TMEM132B: variants seen among roughly 807,000 people sequenced by gnomAD.
TMEM132B encodes the protein transmembrane protein 132B.
A neutral mutation model predicts 90.8 loss-of-function variants in TMEM132B; 18 were observed. The ratio of observed to expected loss-of-function variants is 0.20; its 90% CI spans 0.14 to 0.29. The LOEUF (loss-of-function observed/expected upper bound fraction) is 0.29. Ranked by LOEUF, TMEM132B falls within the 10% of genes least tolerant of loss-of-function variation. The pLI is 1.00. For missense variants in TMEM132B, 1,096 were observed against 1,326.8 expected (o/e 0.83, Z 2.70); for synonymous variants, 504 against 523.3 (o/e 0.96, Z 0.50).
intron 3 of TMEM132B, among the ~76,000 whole-genome samples, chr12:125,423,910 T>A (rs1175122858): frequency 6.6e-6 from 1 of 152,234 alleles, no homozygotes; most frequent in African/African-American, 2.4e-5. Flanking sequence ...TTAACTATAA[T>A]GATTATTATC....
At chr12:125,397,917 A>G (rs953032597) in intron 2 of TMEM132B, among the ~76,000 whole-genome samples, 2 of 152,208 alleles carry the variant, frequency 1.3e-5, no homozygotes, top group African/African-American at 2.4e-5. Context: ...GACACAGAAT[A>G]CCCAGTGTTT....
intron 1 of TMEM132B, among the ~76,000 whole-genome samples, chr12:125,252,102 G>T (rs995672294): frequency 6.6e-6 from 1 of 152,212 alleles, no homozygotes; most frequent in African/African-American, 2.4e-5. Context: ...AACGTGATGG[G>T]ATTGCCACTG....
At chr12:125,499,373 C>T (rs111418738) in intron 3 of TMEM132B, among the ~76,000 whole-genome samples, 4,798 of 152,232 alleles carry the variant, frequency 0.032, 145 homozygotes, top group African/African-American at 0.079. Context: ...ATGAAATGCT[C>T]CTGATTATTG....
At chr12:125,323,975 C>T (rs983149904) in intron 1 of TMEM132B, among the ~76,000 whole-genome samples, 2 of 152,004 alleles carry the variant, frequency 1.3e-5, no homozygotes, top group Non-Finnish European at 2.9e-5. Flanking sequence ...AGAGCTCCGA[C>T]CAAAAAGTTG....
intron 3 of TMEM132B, among the ~76,000 whole-genome samples, chr12:125,452,809 C>A (rs902834030): frequency 1.3e-5 from 2 of 152,112 alleles, no homozygotes; most frequent in African/African-American, 4.8e-5. Context: ...CATTTGCCCA[C>A]TAGCTGATTT....
At chr12:125,610,136 G>T (rs1197200635) in intron 5 of TMEM132B, among the ~76,000 whole-genome samples, 4 of 151,720 alleles carry the variant, frequency 2.6e-5, no homozygotes, top group Non-Finnish European at 4.4e-5. Context: ...GTTATTAGTG[G>T]GTTCCATAGG....
intron 1 of TMEM132B, among the ~76,000 whole-genome samples, chr12:125,202,061 C>A (rs1167339924): frequency 6.6e-6 from 1 of 152,206 alleles, no homozygotes; most frequent in African/African-American, 2.4e-5. Flanking sequence ...TCCTCCCCCT[C>A]CCATGGGCCA....
At chr12:125,195,288 T>G (rs1023181705) in intron 1 of TMEM132B, among the ~76,000 whole-genome samples, 1 of 151,908 alleles carries the variant, frequency 6.6e-6, no homozygotes, top group African/African-American at 2.4e-5. Context: ...AGACGGATAC[T>G]GAACACAATA....
intron 1 of TMEM132B, among the ~76,000 whole-genome samples, chr12:125,327,848 A>G (rs952665502): frequency 2.0e-5 from 3 of 152,212 alleles, no homozygotes; most frequent in African/African-American, 7.2e-5. Flanking sequence ...CTCAGGATAT[A>G]TAAAGCAGGC....
At chr12:125,333,953 A>G (rs188964241) in intron 1 of TMEM132B, among the ~76,000 whole-genome samples, 4 of 152,266 alleles carry the variant, frequency 2.6e-5, no homozygotes, top group Non-Finnish European at 5.9e-5. Context: ...AGGGCTGGCT[A>G]CATAATTTGC....
intron 2 of TMEM132B, among the ~76,000 whole-genome samples, chr12:125,354,507 A>C (rs1877704172): frequency 6.6e-6 from 1 of 152,210 alleles, no homozygotes; most frequent in Non-Finnish European, 1.5e-5. Flanking sequence ...TTTCACTCAG[A>C]TATGTCACCC....
rs1879471031 is a variant in TMEM132B, at chr12:125,406,178, C to G, written c.960-9353C>G. ...GTAGACTGTGAGTACCTTTTACTGT[C>G]CAAACAGGAATCTTCTTTATCTCCT... On this transcript the variant is annotated intron_variant, in intron 2 of 8. Coordinates refer to ENST00000682704, the MANE Select transcript of TMEM132B (RefSeq NM_001366854.1). This position sits in a 1 kb window ranked among gnomAD's most constrained non-coding sequence, Gnocchi z 8.3. 6.6e-6 allele frequency among the ~76,000 whole-genome samples: 1 copy of G among 152,172 alleles called. No individual in the cohort carries two copies. Among genetic ancestry groups the G allele is most frequent in the Admixed American group, 6.5e-5 (1 of 15,280 alleles).
At chr12:125,215,612 G>C (rs1018727085) in intron 1 of TMEM132B, among the ~76,000 whole-genome samples, 1 of 152,126 alleles carries the variant, frequency 6.6e-6, no homozygotes, top group African/African-American at 2.4e-5. Flanking sequence ...CACAATCTCA[G>C]CTCACCACAA....
At chr12:125,511,232 A>G (rs1396127109) in intron 3 of TMEM132B, among the ~76,000 whole-genome samples, 4 of 152,158 alleles carry the variant, frequency 2.6e-5, no homozygotes, top group Non-Finnish European at 4.4e-5. Context: ...TTTCTCAGTA[A>G]TTCTTTTTAT....
chr12:125,459,008 C>G lies in TMEM132B; in HGVS notation c.1106+43331C>G, dbSNP rs923502703. On this transcript the variant is annotated intron_variant, in intron 3 of 8. Coordinates refer to ENST00000682704, the MANE Select transcript of TMEM132B (RefSeq NM_001366854.1). The surrounding 1 kb of genome is among the most constrained non-coding windows in gnomAD (Gnocchi z 4.1). Reference sequence around the variant, plus strand: ...GAGCTCAGATTCCCTGTGGTCCCCCCATGTGCAATTAGCATCTTCGGGTGA... The same window carrying G: ...GAGCTCAGATTCCCTGTGGTCCCCCGATGTGCAATTAGCATCTTCGGGTGA... 6.6e-6 allele frequency among the ~76,000 whole-genome samples: 1 copy of G among 152,202 alleles called. No individual in the cohort carries two copies. Among genetic ancestry groups the G allele is most frequent in the African/African-American group, 2.4e-5 (1 of 41,440 alleles).
intron 4 of TMEM132B, among the ~76,000 whole-genome samples, chr12:125,534,445 A>G (rs1173423744): frequency 6.6e-6 from 1 of 152,192 alleles, no homozygotes; most frequent in Non-Finnish European, 1.5e-5. Flanking sequence ...TGCACCCAGG[A>G]GGTCGAGGCT....
chr12:125,659,777 TA>T lies in TMEM132B; in HGVS notation c.*5069del, dbSNP rs1214121018. On this transcript the variant is annotated 3_prime_UTR_variant, in exon 9 of 9. Transcript: ENST00000682704. The stretch of plus-strand genomic sequence containing the variant: ...CCAGGCCCTTCAGACATCATTCAGG[TA>T]ACTGGGTGTAAACACAGGAGTTGGC... The T allele has an allele frequency of 2.2e-4, 34 of 152,360 alleles. No individual in the cohort carries two copies. Among genetic ancestry groups the T allele is most frequent in the African/African-American group, 8.2e-4 (34 of 41,584 alleles). 9.4% of individuals were successfully genotyped at this position (152,360 alleles called of 1,614,324 possible). A position where few individuals can be genotyped will look rare whatever the true frequency, so the allele number is the denominator to read the frequency against.
At chr12:125,478,168 G>T (rs1019152403) in intron 3 of TMEM132B, among the ~76,000 whole-genome samples, 1 of 152,208 alleles carries the variant, frequency 6.6e-6, no homozygotes, top group South Asian at 2.1e-4. Flanking sequence ...AGAAACCAGA[G>T]CAGAAAAGCT....
intron 4 of TMEM132B, among the ~76,000 whole-genome samples, chr12:125,582,795 C>T (rs559499487): frequency 1.1e-4 from 17 of 152,208 alleles, no homozygotes; most frequent in African/African-American, 3.6e-4. Context: ...CATAAGGTCC[C>T]CATACAGGAG....
Sources: gnomAD v4.1 joint callset for allele counts (sites outside exome capture counted in the v4.1 genomes callset) on GRCh38, gnomAD v4.1.1 for gene constraint, Gnocchi (gnomAD v3.1) non-coding constraint, MANE v1.5 for transcripts, NCBI Gene and HGNC (gene_info 2026-07-23, HGNC 2026-07-21) for gene names.